The following MAGI1 variants were observed in gnomAD, a reference collection of about 807,000 sequenced individuals.
MAGI1 encodes membrane associated guanylate kinase, WW and PDZ domain containing 1.
MAGI1 carries 58 observed loss-of-function variants against 139.9 expected under a neutral mutation model. The ratio of observed to expected loss-of-function variants is 0.41; its 90% confidence interval spans 0.34 to 0.52. The LOEUF (loss-of-function observed/expected upper bound fraction) is 0.52, where lower values mean the gene tolerates loss of function less well. Among genes scored for constraint, MAGI1 ranks in the 20% least tolerant of loss-of-function variants. The pLI is 0.12. For missense variants in MAGI1, 1,874 were observed against 1,901.6 expected (o/e 0.99, Z 0.27); for synonymous variants, 812 against 737.9 (o/e 1.10, Z -1.63).
At chr3:65,967,275 C>T (rs762202933) in intron 1 of MAGI1, among the ~76,000 whole-genome samples, 8 of 152,170 alleles carry the variant, frequency 5.3e-5, no homozygotes, top group Non-Finnish European at 8.8e-5. Context: ...AGCGGGCATA[C>T]AGGTGTTTGC....
intron 2 of MAGI1, among the ~76,000 whole-genome samples, chr3:65,534,186 C>T (rs2078844459): frequency 6.6e-6 from 1 of 152,070 alleles, no homozygotes; most frequent in African/African-American, 2.4e-5. Context: ...GTCCTATTTC[C>T]AAATTATACA....
intron 1 of MAGI1, among the ~76,000 whole-genome samples, chr3:65,890,258 G>A (rs551631594): frequency 7.9e-5 from 12 of 152,256 alleles, no homozygotes; most frequent in South Asian, 6.2e-4. Flanking sequence ...CCAGCTACTC[G>A]GGAGGCTGAG....
chr3:66,015,737 C>A (rs551085127), intron 1 of MAGI1, among the ~76,000 whole-genome samples: 1 of 152,232 alleles, frequency 6.6e-6, no homozygotes, highest in Admixed American at 6.5e-5. Context: ...CTGGAATAAT[C>A]AACAGAAAGA....
At chr3:65,706,949 A>T (rs2030413148) in intron 1 of MAGI1, among the ~76,000 whole-genome samples, 1 of 152,176 alleles carries the variant, frequency 6.6e-6, no homozygotes, top group South Asian at 2.1e-4. Context: ...CACAAGACAT[A>T]AACAAAAAAT....
chr3:65,543,755 T>A (rs1001716722), intron 2 of MAGI1, among the ~76,000 whole-genome samples: 7 of 147,842 alleles, frequency 4.7e-5, no homozygotes, highest in Non-Finnish European at 1.0e-4. Context: ...CTGTCAGGGA[T>A]GGGGGGGGGT....
intron 1 of MAGI1, among the ~76,000 whole-genome samples, chr3:65,732,657 C>T (rs2034308499): frequency 6.6e-6 from 1 of 152,196 alleles, no homozygotes; most frequent in Admixed American, 6.5e-5. Flanking sequence ...TCTTTTGAGA[C>T]TTCTGTTTTT....
chr3:65,866,692 C>T (rs1393086514), intron 1 of MAGI1, among the ~76,000 whole-genome samples: 3 of 152,120 alleles, frequency 2.0e-5, no homozygotes, highest in East Asian at 1.9e-4. Flanking sequence ...ACCTTTCTTA[C>T]ATTCTCTGTC....
rs936224930 is a variant in MAGI1 at position 66,002,195 on chromosome 3, G to A, written c.313+35801C>T. On this transcript the variant is annotated intron_variant, in intron 1 of 22. Transcript: ENST00000402939. The stretch of plus-strand genomic sequence containing the variant: ...CTTAGAAATAAGGCATTTTAAATTC[G>A]CATTTTCAGAAACACTGGGCAAATT... Among the ~76,000 whole-genome samples, 5 of 152,232 alleles carry A rather than the reference G, an allele frequency of 3.3e-5. No individual in the cohort carries two copies. In the South Asian group the frequency reaches 8.3e-4, roughly 25 times the overall value.
intron 1 of MAGI1, among the ~76,000 whole-genome samples, chr3:65,993,780 T>C (rs1184403715): frequency 2.0e-5 from 3 of 151,974 alleles, no homozygotes; most frequent in Non-Finnish European, 4.4e-5. Flanking sequence ...TAGCTTGGGG[T>C]CAGTAAGTCA....
intron 1 of MAGI1, among the ~76,000 whole-genome samples, chr3:65,764,141 G>C (rs534643788): frequency 6.6e-6 from 1 of 151,148 alleles, no homozygotes; most frequent in East Asian, 1.9e-4. Context: ...TATTAACATG[G>C]TCTATGGTCT....
intron 2 of MAGI1, among the ~76,000 whole-genome samples, chr3:65,506,944 T>C (rs1437701427): frequency 2.6e-5 from 4 of 152,224 alleles, no homozygotes; most frequent in African/African-American, 9.6e-5. Context: ...ATAGGCATGA[T>C]AGTTCTGAAG....
intron 2 of MAGI1, among the ~76,000 whole-genome samples, chr3:65,500,020 C>G (rs17073014): frequency 0.011 from 1,677 of 146,544 alleles, 33 homozygotes; most frequent in African/African-American, 0.04. Flanking sequence ...TCAAAAGTAA[C>G]TTAGTCCTCA....
chr3:65,848,589 T>A (rs957659551), intron 1 of MAGI1, among the ~76,000 whole-genome samples: 5 of 152,270 alleles, frequency 3.3e-5, no homozygotes, highest in African/African-American at 7.2e-5. Context: ...CTTTTTTTTT[T>A]TTTTATTTTC....
intron 1 of MAGI1, among the ~76,000 whole-genome samples, chr3:65,975,056 T>C (rs1330612081): frequency 6.7e-6 from 1 of 149,746 alleles, no homozygotes; most frequent in African/African-American, 2.5e-5. Flanking sequence ...AAATCATTCA[T>C]ATTATGTTGC....
chr3:65,828,502 G>GA (rs748085043), intron 1 of MAGI1, among the ~76,000 whole-genome samples: 7 of 152,168 alleles, frequency 4.6e-5, no homozygotes, highest in Non-Finnish European at 8.8e-5. Flanking sequence ...GAGACTGAAA[G>GA]AAAAGGAATG....
chr3:65,756,931 G>A (rs2036608655), intron 1 of MAGI1, among the ~76,000 whole-genome samples: 1 of 152,132 alleles, frequency 6.6e-6, no homozygotes, highest in African/African-American at 2.4e-5. Flanking sequence ...CCCATACACG[G>A]AATGCCAAAT....
intron 1 of MAGI1, among the ~76,000 whole-genome samples, chr3:65,671,271 A>T (rs998126359): frequency 3.3e-5 from 5 of 152,162 alleles, no homozygotes; most frequent in African/African-American, 4.8e-5. Flanking sequence ...GGTGTTTCTC[A>T]ATCTTGGCAC....
chr3:65,687,709 C>A, intron 1 of MAGI1: 1 of 528,456 alleles, frequency 1.9e-6, no homozygotes, highest in East Asian at 5.2e-5. Context: ...TGTTGCTGCC[C>A]TGGGAAACAA....
chr3:65,481,547 A>G (rs756802663), intron 3 of MAGI1, among the ~76,000 whole-genome samples: 4 of 152,244 alleles, frequency 2.6e-5, no homozygotes, highest in Non-Finnish European at 5.9e-5. Flanking sequence ...TCACGACATC[A>G]TGTACATTTT....
Sources: allele counts gnomAD v4.1 joint callset (sites outside exome capture counted in the v4.1 genomes callset), GRCh38; gene constraint gnomAD v4.1.1; transcripts MANE v1.5; gene names NCBI Gene and HGNC (gene_info 2026-07-23, HGNC 2026-07-21).